ANXA8: variants seen among roughly 807,000 people sequenced by gnomAD.
The protein encoded by ANXA8 is annexin A8, also known as VAC-beta.
ANXA8 carries 9 observed loss-of-function variants against 26.8 expected under a neutral mutation model. That is an observed-to-expected ratio of 0.34 (90% CI 0.20 to 0.59). The LOEUF (loss-of-function observed/expected upper bound fraction) is 0.59. ANXA8 is among the 20% of genes least tolerant of loss of function. ANXA8 has a pLI of 0.84. For synonymous variants in ANXA8, 39 were observed against 94.8 expected (o/e 0.41, Z 3.42); for missense variants, 83 against 238.5 (o/e 0.35, Z 4.29).
chr10:47,735,319 T>G, the ANXA8 span, among the ~76,000 whole-genome samples: 1 of 145,634 alleles, frequency 6.9e-6, no homozygotes, highest in African/African-American at 2.6e-5. Context: ...GGTCTTGAGC[T>G]CCTGGGCTCA....
At chr10:47,743,279 C>CATATATATATAT in the ANXA8 span, among the ~76,000 whole-genome samples, 16 of 29,376 alleles carry the variant, frequency 5.4e-4, no homozygotes, top group East Asian at 0.015. Flanking sequence ...TATATATATA[C>CATATATATATAT]ACACATATAT....
the ANXA8 span, among the ~76,000 whole-genome samples, chr10:47,682,916 G>T: frequency 6.6e-6 from 1 of 152,214 alleles, no homozygotes; most frequent in East Asian, 1.9e-4. Flanking sequence ...AATAAGAGAG[G>T]CTCACCCACA....
chr10:47,871,450 AT>A, the ANXA8 span, among the ~76,000 whole-genome samples: 1 of 151,036 alleles, frequency 6.6e-6, no homozygotes, highest in Non-Finnish European at 1.5e-5. Context: ...TAAGAGCACG[AT>A]CAACCAGTAT....
the ANXA8 span, among the ~76,000 whole-genome samples, chr10:47,702,473 T>G: frequency 6.6e-6 from 1 of 150,870 alleles, no homozygotes; most frequent in African/African-American, 2.4e-5. Flanking sequence ...CCCAAGTAGC[T>G]GGGACTACAG....
At chr10:47,553,684 C>T in the ANXA8 span, among the ~76,000 whole-genome samples, 2 of 150,742 alleles carry the variant, frequency 1.3e-5, no homozygotes, top group African/African-American at 4.9e-5. Context: ...CCACCGGGTC[C>T]GCGTCCCTCC....
chr10:47,652,808 T>C, the ANXA8 span, among the ~76,000 whole-genome samples: 2 of 146,358 alleles, frequency 1.4e-5, no homozygotes, highest in African/African-American at 5.5e-5. Context: ...GAGAATACTC[T>C]GTTCTACCTT....
At chr10:47,672,939 C>G in the ANXA8 span, among the ~76,000 whole-genome samples, 1 of 151,458 alleles carries the variant, frequency 6.6e-6, no homozygotes, top group Non-Finnish European at 1.5e-5. Context: ...CTAAATGAAC[C>G]AAACTCCAGA....
the ANXA8 span, among the ~76,000 whole-genome samples, chr10:47,564,028 G>A: frequency 1.5e-5 from 2 of 135,252 alleles, no homozygotes; most frequent in African/African-American, 2.9e-5. Flanking sequence ...ATATATATTA[G>A]AGCCCCAGCC....
chr10:47,525,504 T>A, the ANXA8 span, among the ~76,000 whole-genome samples: 2 of 135,334 alleles, frequency 1.5e-5, no homozygotes, highest in Non-Finnish European at 3.1e-5. Flanking sequence ...TCCAATCACC[T>A]CCCCCTAGGC....
At chr10:47,772,513 C>A in the ANXA8 span, among the ~76,000 whole-genome samples, 1 of 152,118 alleles carries the variant, frequency 6.6e-6, no homozygotes. Context: ...CCTTTTCAGT[C>A]CTATAATGGG....
the ANXA8 span, among the ~76,000 whole-genome samples, chr10:47,622,209 A>G: frequency 8.9e-6 from 1 of 112,704 alleles, no homozygotes; most frequent in African/African-American, 3.4e-5. Context: ...TACATGCAAG[A>G]GACCCCATAG....
the ANXA8 span, among the ~76,000 whole-genome samples, chr10:47,571,250 T>C: frequency 7.0e-6 from 1 of 142,788 alleles, no homozygotes. Flanking sequence ...ATTCCAAAGG[T>C]CAAAAAGTGA....
chr10:47,962,623 TAC>T, the ANXA8 span, among the ~76,000 whole-genome samples: 1 of 79,614 alleles, frequency 1.3e-5, no homozygotes, highest in African/African-American at 3.6e-5. Context: ...CTCACACACT[TAC>T]ACACACACAC....
chr10:47,575,191 T>G, the ANXA8 span, among the ~76,000 whole-genome samples: 5 of 38,716 alleles, frequency 1.3e-4, no homozygotes, highest in African/African-American at 6.0e-4. Context: ...GCAACAAGAG[T>G]GAAACTCAAA....
At chr10:47,979,077 A>G in the ANXA8 span, among the ~76,000 whole-genome samples, 1 of 151,468 alleles carries the variant, frequency 6.6e-6, no homozygotes, top group Non-Finnish European at 1.5e-5. Context: ...TACAAGAGAC[A>G]AAGAAAAACA....
At chr10:47,670,250 T>G in the ANXA8 span, among the ~76,000 whole-genome samples, 1 of 151,970 alleles carries the variant, frequency 6.6e-6, no homozygotes. Context: ...TTTGTTTATC[T>G]GTTCATCAGT....
At chr10:47,930,708 A>C in the ANXA8 span, among the ~76,000 whole-genome samples, 1 of 152,308 alleles carries the variant, frequency 6.6e-6, no homozygotes, top group Non-Finnish European at 1.5e-5. Flanking sequence ...CAGCAAGAAC[A>C]GGCTGTTCAC....
chr10:47,552,871 G>A, the ANXA8 span, among the ~76,000 whole-genome samples: 10 of 151,722 alleles, frequency 6.6e-5, no homozygotes, highest in East Asian at 5.8e-4. Flanking sequence ...GGTCTGATTG[G>A]CAGAGGAAAT....
chr10:47,693,848 GA>G, the ANXA8 span, among the ~76,000 whole-genome samples: 12 of 150,684 alleles, frequency 8.0e-5, no homozygotes, highest in East Asian at 5.8e-4. Context: ...TATTGTAAAT[GA>G]AAAAAAAATG....
Sources: allele counts gnomAD v4.1 joint callset (sites outside exome capture counted in the v4.1 genomes callset), GRCh38; gene constraint gnomAD v4.1.1; transcripts MANE v1.5; gene names NCBI Gene and HGNC (gene_info 2026-07-23, HGNC 2026-07-21).